The following CAMK2G variants were observed in gnomAD, a reference collection of about 807,000 sequenced individuals.
The protein encoded by CAMK2G is calcium/calmodulin dependent protein kinase II gamma, also known as calcium/calmodulin-dependent protein kinase type II subunit gamma.
A neutral mutation model predicts 88.7 loss-of-function variants in CAMK2G; 23 were observed. The observed-to-expected ratio is 0.26, with a 90% CI of 0.19 to 0.37. The LOEUF is 0.37. Among genes scored for constraint, CAMK2G ranks in the 10% least tolerant of loss-of-function variants. The pLI is 1.00. For missense variants in CAMK2G, 476 were observed against 780.8 expected (o/e 0.61, Z 4.65); for synonymous variants, 263 against 294.8 (o/e 0.89, Z 1.11).
chr10:73,817,353 G>C, intron 20 of CAMK2G, 126 bp downstream of exon 20: 1 of 821,286 alleles, frequency 1.2e-6, no homozygotes, highest in East Asian at 2.6e-5. Context: ...GTTTAGGAGA[G>C]GGCTTAACTC....
intron 14 of CAMK2G, among the ~76,000 whole-genome samples, chr10:73,832,451 C>G (rs140409880): frequency 6.6e-6 from 1 of 152,102 alleles, no homozygotes; most frequent in African/African-American, 2.4e-5. Context: ...GGATTACAGG[C>G]ACGCACCACC....
rs375343808 is a variant in CAMK2G at position 73,850,325 on chromosome 10, A to G, written c.342-992T>C. On this transcript the variant is annotated intron_variant, in intron 5 of 22. Coordinates refer to ENST00000423381, the MANE Select transcript of CAMK2G (RefSeq NM_001367534.1). Reference sequence around the variant, plus strand: ...CACACACGTAAATCAGACTGTCCACATAGCAAACCATCCTGCCATCCCTGT... The same window carrying G: ...CACACACGTAAATCAGACTGTCCACGTAGCAAACCATCCTGCCATCCCTGT... Among the ~76,000 whole-genome samples the G allele has an allele frequency of 7.2e-5, 11 of 152,316 alleles. No individual in the cohort carries two copies. In the East Asian group the frequency reaches 1.7e-3, roughly 24 times the overall value.
At chr10:73,869,750 T>C (rs984314460) in intron 2 of CAMK2G, among the ~76,000 whole-genome samples, 3 of 152,236 alleles carry the variant, frequency 2.0e-5, no homozygotes, top group Non-Finnish European at 4.4e-5. Context: ...AAGAAATTTC[T>C]TCACACGGAA....
chr10:73,831,397 G>C (rs541230236), intron 14 of CAMK2G, among the ~76,000 whole-genome samples: 13 of 151,914 alleles, frequency 8.6e-5, no homozygotes, highest in Non-Finnish European at 4.4e-5. Context: ...AATTAGCTGG[G>C]TGTGGTGGCA....
At chr10:73,860,947 CT>C in intron 2 of CAMK2G, 58 bp from the exon 3 acceptor site, 1 of 1,225,280 alleles carries the variant, frequency 8.2e-7, no homozygotes, top group African/African-American at 1.5e-5. Flanking sequence ...TTGTGGTCAC[CT>C]TGTTATTCAT....
chr10:73,842,197 C>T lies in CAMK2G; in HGVS notation c.918G>A (p.Thr306=), dbSNP rs200585413. ...AGAAGTTCCTGGAGACAAGCATGGTCGTGAGGATGGCACCCTGGGGAAAGA... is the reference window on the plus strand; with the variant it reads ...AGAAGTTCCTGGAGACAAGCATGGTTGTGAGGATGGCACCCTGGGGAAAGA... The part of the protein sequence containing the change: ...ARRKLKGAIL[T]TMLVSRNFSV... Residue 306 remains threonine, a synonymous_variant, in exon 12 of 23, where the codon ACG becomes ACA. Coordinates refer to ENST00000423381, the MANE Select transcript of CAMK2G (RefSeq NM_001367534.1). The surrounding 1 kb of genome is among the most constrained non-coding windows in gnomAD (Gnocchi z 4.6). 6.3e-5 allele frequency: 101 copies of T among 1,612,640 alleles called. 1 individual carries two copies. The highest frequency in any genetic ancestry group is 7.7e-5 in the Non-Finnish European group (91 of 1,178,750).
intron 16 of CAMK2G, 95 bp downstream of exon 16, chr10:73,825,184 G>A (rs1250317331): frequency 4.6e-6 from 4 of 877,166 alleles, no homozygotes; most frequent in Non-Finnish European, 7.8e-6. Context: ...GAAAGGAACA[G>A]GCCAGGAGGC....
rs111929752 is a variant in CAMK2G at position 73,828,062 on chromosome 10, G to A, written c.1086+27C>T. The A allele has an allele frequency of 1.0e-3, 1,666 of 1,606,116 alleles. 30 individuals are homozygous for A. The African/African-American group carries it at 0.019, about 19-fold the overall frequency. ...AGGCGGGCACAGGCAGCATGGAGTG[G>A]GCGATGGGTGGGCAGGCAAGGCTCA... is the stretch of plus-strand genomic sequence containing the variant. On this transcript the variant is annotated intron_variant, in intron 15 of 22. Coordinates refer to ENST00000423381, the MANE Select transcript of CAMK2G (RefSeq NM_001367534.1).
At chr10:73,860,944 C>G in intron 2 of CAMK2G, 55 bp from the exon 3 acceptor site, 2 of 1,270,978 alleles carry the variant, frequency 1.6e-6, no homozygotes, top group Non-Finnish European at 2.3e-6. Context: ...TCCTTGTGGT[C>G]ACCTTGTTAT....
chr10:73,828,913 C>G (rs941238582), intron 14 of CAMK2G, among the ~76,000 whole-genome samples: 1 of 152,140 alleles, frequency 6.6e-6, no homozygotes, highest in Admixed American at 6.5e-5. Flanking sequence ...ATGAAGACCA[C>G]GTGGAACACT....
In CAMK2G at chr10:73,828,491, T is replaced by C. The variant is rs142160772; in HGVS notation, c.1054-370A>G. 1.1e-3 allele frequency among the ~76,000 whole-genome samples: 168 copies of C among 152,324 alleles called. 1 individual carries two copies. Among genetic ancestry groups the C allele is most frequent in the African/African-American group, 3.7e-3 (155 of 41,564 alleles). On this transcript the variant is annotated intron_variant, in intron 14 of 22. Coordinates refer to ENST00000423381, the MANE Select transcript of CAMK2G (RefSeq NM_001367534.1). ...TTCATAGGGTTAGCTCACCCTGTAA[T>C]GTTATTTATTTTCTCTCATTACTAG...
In CAMK2G at chr10:73,862,792, C is replaced by T. The variant is rs762078948; in HGVS notation, c.161-1903G>A. On this transcript the variant is annotated intron_variant, in intron 2 of 22. Transcript: ENST00000423381. ...TCCAGTTCACCCTGAATTATCCAGG[C>T]CCGGGCAGGGGCCTTCACATCCATA... Among the ~76,000 whole-genome samples the T allele has an allele frequency of 2.6e-5, 4 of 152,186 alleles. 1 individual carries two copies. The East Asian group carries it at 7.7e-4, about 29-fold the overall frequency.
chr10:73,864,634 T>G (rs1591306025), intron 2 of CAMK2G, among the ~76,000 whole-genome samples: 1 of 152,242 alleles, frequency 6.6e-6, no homozygotes, highest in South Asian at 2.1e-4. Context: ...TCCTCACTTC[T>G]TTTGTTTGTT....
chr10:73,862,832 C>G (rs892105964), intron 2 of CAMK2G, among the ~76,000 whole-genome samples: 1 of 152,232 alleles, frequency 6.6e-6, no homozygotes, highest in Non-Finnish European at 1.5e-5. Flanking sequence ...CCAAGCTATT[C>G]CTGTCTCCCT....
chr10:73,851,755 G>C (rs539379149), intron 5 of CAMK2G, among the ~76,000 whole-genome samples: 2 of 149,154 alleles, frequency 1.3e-5, no homozygotes, highest in Admixed American at 6.7e-5. Context: ...TTTTGTGGGG[G>C]GGGGGAGGGG....
At chr10:73,845,032 A>G (rs561469317) in intron 10 of CAMK2G, among the ~76,000 whole-genome samples, 1 of 152,258 alleles carries the variant, frequency 6.6e-6, no homozygotes, top group East Asian at 1.9e-4. Flanking sequence ...CTATCATTAA[A>G]TGCTGGTGTG....
chr10:73,834,684 T>C (rs1238064360), intron 14 of CAMK2G, among the ~76,000 whole-genome samples: 1 of 152,234 alleles, frequency 6.6e-6, no homozygotes, highest in Non-Finnish European at 1.5e-5. Flanking sequence ...ATGAAAGTGT[T>C]TTTAAAATTC....
intron 5 of CAMK2G, among the ~76,000 whole-genome samples, chr10:73,851,424 C>A (rs1026370641): frequency 6.6e-6 from 1 of 152,034 alleles, no homozygotes; most frequent in Non-Finnish European, 1.5e-5. Flanking sequence ...GTTGGAGGAG[C>A]CCCACGGCAA....
chr10:73,843,768 C>T (rs2094001770), intron 10 of CAMK2G, among the ~76,000 whole-genome samples: 1 of 152,198 alleles, frequency 6.6e-6, no homozygotes, highest in Non-Finnish European at 1.5e-5. Flanking sequence ...CAACTCTCCC[C>T]ACCTTCTCTA....
Sources: allele counts gnomAD v4.1 joint callset (sites outside exome capture counted in the v4.1 genomes callset), GRCh38; gene constraint gnomAD v4.1.1; non-coding constraint Gnocchi (gnomAD v3.1); transcripts MANE v1.5; gene names NCBI Gene and HGNC (gene_info 2026-07-23, HGNC 2026-07-21).